The following SPOCK1 variants were observed in gnomAD, a reference collection of about 807,000 sequenced individuals.
SPOCK1 encodes testican-1.
SPOCK1 carries 23 observed loss-of-function variants against 55.3 expected under a neutral mutation model. The ratio of observed to expected loss-of-function variants is 0.42; its 90% confidence interval spans 0.30 to 0.59. The LOEUF (loss-of-function observed/expected upper bound fraction) is 0.59, where lower values mean the gene tolerates loss of function less well. Among genes scored for constraint, SPOCK1 ranks in the 20% least tolerant of loss-of-function variants. SPOCK1 has a pLI of 0.22. For missense variants in SPOCK1, 499 were observed against 552.5 expected (o/e 0.90, Z 0.97); for synonymous variants, 226 against 221.0 (o/e 1.02, Z -0.20).
chr5:137,339,930 G>A (rs1037703101), intron 2 of SPOCK1, among the ~76,000 whole-genome samples: 3 of 152,170 alleles, frequency 2.0e-5, no homozygotes, highest in East Asian at 1.9e-4. Flanking sequence ...TCTGCCCACG[G>A]GGTCCAGCTC....
intron 3 of SPOCK1, among the ~76,000 whole-genome samples, chr5:137,184,760 T>G (rs114934642): frequency 6.6e-6 from 1 of 151,968 alleles, no homozygotes; most frequent in Non-Finnish European, 1.5e-5. Flanking sequence ...TCTCTCCAAC[T>G]CCTCCATCAC....
At chr5:137,381,494 G>C (rs980644201) in intron 2 of SPOCK1, among the ~76,000 whole-genome samples, 2 of 152,160 alleles carry the variant, frequency 1.3e-5, no homozygotes, top group African/African-American at 4.8e-5. Flanking sequence ...AAACATCCAG[G>C]CAAGTCCATA....
At chr5:137,291,666 T>G (rs549824785) in intron 2 of SPOCK1, among the ~76,000 whole-genome samples, 2 of 152,304 alleles carry the variant, frequency 1.3e-5, no homozygotes, top group African/African-American at 4.8e-5. Context: ...CTATGAGAAC[T>G]CCATGCAAAT....
rs79695552 is a variant in SPOCK1, at chr5:137,156,745, T to C, written c.233-16051A>G. ...AGGTGTTCCCTTCATCCTCATTCTA[T>C]AGCCAAGGTAACAGAGAAACTTGTT... On this transcript the variant is annotated intron_variant, in intron 3 of 10. Coordinates refer to ENST00000394945, the MANE Select transcript of SPOCK1 (RefSeq NM_004598.4). Among the ~76,000 whole-genome samples, 770 of 152,252 alleles carry C rather than the reference T, an allele frequency of 5.1e-3. 6 individuals carry two copies. Among genetic ancestry groups the C allele is most frequent in the African/African-American group, 0.018 (756 of 41,540 alleles).
At chr5:137,435,414 T>C (rs1752839838) in intron 2 of SPOCK1, among the ~76,000 whole-genome samples, 1 of 152,196 alleles carries the variant, frequency 6.6e-6, no homozygotes, top group Admixed American at 6.5e-5. Context: ...AAAACTCTTT[T>C]CTTTCCTTTC....
intron 3 of SPOCK1, among the ~76,000 whole-genome samples, chr5:137,170,844 T>C (rs1754742215): frequency 6.6e-6 from 1 of 152,170 alleles, no homozygotes; most frequent in Non-Finnish European, 1.5e-5. Context: ...ACCACTGTTA[T>C]CATTTTAAAG....
chr5:137,296,514 C>T (rs1482381357), intron 2 of SPOCK1, among the ~76,000 whole-genome samples: 2 of 152,132 alleles, frequency 1.3e-5, no homozygotes, highest in Non-Finnish European at 2.9e-5. Context: ...AGCATCCAGG[C>T]TGTGAAATTG....
At chr5:137,495,289 T>C (rs1379134877) in intron 2 of SPOCK1, among the ~76,000 whole-genome samples, 1 of 152,192 alleles carries the variant, frequency 6.6e-6, no homozygotes, top group Non-Finnish European at 1.5e-5. Flanking sequence ...CCAGGTCACC[T>C]CTGGCAATGT....
At chr5:137,297,004 T>C (rs1757501631) in intron 2 of SPOCK1, among the ~76,000 whole-genome samples, 1 of 152,198 alleles carries the variant, frequency 6.6e-6, no homozygotes, top group Non-Finnish European at 1.5e-5. Context: ...TATGTGTGTA[T>C]ATATGTACAA....
At chr5:136,979,229 T>C (rs1239203755) in intron 10 of SPOCK1, 103 bp downstream of exon 10, 2 of 1,503,708 alleles carry the variant, frequency 1.3e-6, no homozygotes, top group African/African-American at 2.8e-5. Context: ...ACTTAATGTA[T>C]ACTGGAGTTA....
At chr5:137,448,512 G>C (rs2149833963) in intron 2 of SPOCK1, among the ~76,000 whole-genome samples, 1 of 152,216 alleles carries the variant, frequency 6.6e-6, no homozygotes, top group South Asian at 2.1e-4. Context: ...CTGACTCCCT[G>C]TGTGCCTGGG....
At chr5:137,165,421 C>G (rs1754628865) in intron 3 of SPOCK1, among the ~76,000 whole-genome samples, 1 of 152,186 alleles carries the variant, frequency 6.6e-6, no homozygotes, top group Non-Finnish European at 1.5e-5. Context: ...TTGCAAATAT[C>G]TGAAAAGCCT....
At chr5:137,383,733 C>T (rs10073075) in intron 2 of SPOCK1, among the ~76,000 whole-genome samples, 13,004 of 152,280 alleles carry the variant, frequency 0.085, 1,262 homozygotes, top group African/African-American at 0.24. Context: ...TCCCTGTAGG[C>T]CCAGACCATC....
At chr5:136,979,193 T>G in intron 10 of SPOCK1, 139 bp downstream of exon 10, 1 of 1,276,378 alleles carries the variant, frequency 7.8e-7, no homozygotes, top group Non-Finnish European at 1.1e-6. Flanking sequence ...TCATGTGATT[T>G]CAGGGTTACT....
intron 2 of SPOCK1, among the ~76,000 whole-genome samples, chr5:137,362,391 A>G (rs1468335017): frequency 6.8e-6 from 1 of 146,234 alleles, no homozygotes; most frequent in Non-Finnish European, 1.5e-5. Context: ...GTGCAGTGGC[A>G]TGATCTCCAC....
intron 2 of SPOCK1, among the ~76,000 whole-genome samples, chr5:137,456,714 T>C (rs1023438534): frequency 2.6e-5 from 4 of 152,182 alleles, no homozygotes; most frequent in African/African-American, 9.6e-5. Flanking sequence ...ACCAGTAAAA[T>C]GATTGTCTAT....
At chr5:137,099,610 A>G (rs1040305143) in intron 5 of SPOCK1, among the ~76,000 whole-genome samples, 7 of 151,928 alleles carry the variant, frequency 4.6e-5, no homozygotes, top group Admixed American at 2.0e-4. Context: ...ATATATATAC[A>G]CACACATATG....
chr5:137,183,754 G>A (rs562262153), intron 3 of SPOCK1, among the ~76,000 whole-genome samples: 1 of 152,332 alleles, frequency 6.6e-6, no homozygotes, highest in East Asian at 1.9e-4. Context: ...CTCGCTGGCT[G>A]TGTAGACGTT....
intron 2 of SPOCK1, among the ~76,000 whole-genome samples, chr5:137,465,891 C>G (rs558390525): frequency 6.6e-6 from 1 of 152,180 alleles, no homozygotes; most frequent in Non-Finnish European, 1.5e-5. Flanking sequence ...TACAAAATTA[C>G]AGCACAAGGT....
Sources: allele counts gnomAD v4.1 joint callset (sites outside exome capture counted in the v4.1 genomes callset), GRCh38; gene constraint gnomAD v4.1.1; transcripts MANE v1.5; gene names NCBI Gene and HGNC (gene_info 2026-07-23, HGNC 2026-07-21).